Variants in VPS39 observed in about 807,000 individuals in gnomAD.
The protein encoded by VPS39 is vam6/Vps39-like protein.
In VPS39, 70 loss-of-function variants were observed where a neutral mutation model predicts 121.0. The ratio of observed to expected loss-of-function variants is 0.58; its 90% CI spans 0.48 to 0.71. The LOEUF (loss-of-function observed/expected upper bound fraction) is 0.71. Among genes scored for constraint, VPS39 ranks in the 30% least tolerant of loss-of-function variants. VPS39 has a pLI of 0.00. For synonymous variants in VPS39, 378 were observed against 398.1 expected (o/e 0.95, Z 0.60); for missense variants, 818 against 1,051.5 (o/e 0.78, Z 3.07).
chr15:42,187,360 C>T lies in VPS39; in HGVS notation c.445G>A (p.Asp149Asn). Residue 149 changes from aspartate to asparagine, a missense_variant, in exon 7 of 25, where the codon GAC (aspartate) becomes AAC (asparagine). Transcript: ENST00000318006. ...KDREFHELQGDFSVPDVPKSM... is the reference protein window; with the variant it reads ...KDREFHELQGNFSVPDVPKSM... ...TTGGGCACATCTGGCACACTAAAGT[C>T]CCCCTGAAAAAAGAGAGCAAGGATC... 6.2e-7 allele frequency: 1 copy of T among 1,600,874 alleles called. No homozygotes were observed. The highest frequency in any genetic ancestry group is 8.5e-7 in the Non-Finnish European group (1 of 1,176,742).
chr15:42,194,894 T>C (rs546916162), intron 2 of VPS39, among the ~76,000 whole-genome samples: 9 of 151,738 alleles, frequency 5.9e-5, no homozygotes, highest in African/African-American at 2.2e-4. Flanking sequence ...CCAGTTTTAA[T>C]TACCATTCCT....
chr15:42,207,792 AG>A (rs1279280998), intron 1 of VPS39, among the ~76,000 whole-genome samples: 1 of 152,218 alleles, frequency 6.6e-6, no homozygotes, highest in Admixed American at 6.5e-5. Flanking sequence ...AATGGGCCAA[AG>A]CTGAGCACAA....
chr15:42,174,102 CTGGGCGTGGTGG>C (rs2049400911), intron 10 of VPS39, among the ~76,000 whole-genome samples: 3 of 152,130 alleles, frequency 2.0e-5, no homozygotes, highest in African/African-American at 7.2e-5. Flanking sequence ...AAAAAATTAG[CTGGGCGTGGTGG>C]CACGTGCCTG....
At chr15:42,167,261 T>G in intron 13 of VPS39, 133 bp downstream of exon 13, 1 of 1,181,512 alleles carries the variant, frequency 8.5e-7, no homozygotes, top group Non-Finnish European at 1.2e-6. Context: ...TCAGGAGAAG[T>G]CTATATGGTT....
intron 2 of VPS39, among the ~76,000 whole-genome samples, chr15:42,197,899 C>A (rs2049977755): frequency 6.6e-6 from 1 of 152,212 alleles, no homozygotes; most frequent in African/African-American, 2.4e-5. Flanking sequence ...TGGCCCACAT[C>A]AGGCCAGATC....
intron 17 of VPS39, 62 bp downstream of exon 17, chr15:42,165,656 G>T (rs1181671249): frequency 5.2e-6 from 7 of 1,352,286 alleles, no homozygotes; most frequent in Non-Finnish European, 7.4e-6. Context: ...CCCGATAACA[G>T]AACCACGCAG....
At chr15:42,163,542 G>C in intron 20 of VPS39, 84 bp downstream of exon 20, 7 of 1,510,486 alleles carry the variant, frequency 4.6e-6, no homozygotes, top group Non-Finnish European at 6.4e-6. Flanking sequence ...AGTGGAGTAT[G>C]GGGAGATGGC....
intron 11 of VPS39, among the ~76,000 whole-genome samples, chr15:42,173,440 A>G (rs1288542451): frequency 1.3e-5 from 2 of 152,250 alleles, no homozygotes; most frequent in East Asian, 1.9e-4. Flanking sequence ...TCAAATACCC[A>G]TTTGTTGAAC....
chr15:42,170,113 T>G (rs988456150), intron 11 of VPS39, among the ~76,000 whole-genome samples: 1 of 152,084 alleles, frequency 6.6e-6, no homozygotes, highest in African/African-American at 2.4e-5. Context: ...ATAATTAGAA[T>G]TGAATATTTA....
At position 42,159,815 on chromosome 15, in the gene VPS39, C is replaced by T. The variant is rs16972776; in HGVS notation, c.*939G>A. The T allele has an allele frequency of 0.11, 16,245 of 152,428 alleles. 1,255 individuals carry two copies. The highest frequency in any genetic ancestry group is 0.19 in the Admixed American group (2,981 of 15,296). 9.4% of individuals were successfully genotyped at this position (152,428 alleles called of 1,614,324 possible). A position where few individuals can be genotyped will look rare whatever the true frequency, so the allele number is the denominator to read the frequency against. On this transcript the variant is annotated 3_prime_UTR_variant, in exon 25 of 25. Coordinates refer to ENST00000318006, the MANE Select transcript of VPS39 (RefSeq NM_015289.5). Reference sequence around the variant, plus strand: ...AAGGGCCCAGAGCACAAAATCGCCACGCACAAAGACTAAGCCAGCCTGCCT... The same window carrying T: ...AAGGGCCCAGAGCACAAAATCGCCATGCACAAAGACTAAGCCAGCCTGCCT...
chr15:42,185,362 T>C (rs1415967511), intron 7 of VPS39, among the ~76,000 whole-genome samples: 1 of 151,890 alleles, frequency 6.6e-6, no homozygotes, highest in African/African-American at 2.4e-5. Flanking sequence ...TTTTTGTATT[T>C]TTAGTAGAGA....
intron 2 of VPS39, 147 bp downstream of exon 2, chr15:42,199,749 G>T: frequency 1.3e-6 from 1 of 778,720 alleles, no homozygotes; most frequent in Non-Finnish European, 2.0e-6. Context: ...AAAAACCCTA[G>T]GCATTCTCAA....
chr15:42,166,718 T>C (rs189005576), intron 14 of VPS39, 54 bp downstream of exon 14: 380 of 1,613,744 alleles, frequency 2.4e-4, no homozygotes, highest in Middle Eastern at 2.1e-3. Context: ...TCTCAGTGGG[T>C]TTCCCCTGCC....
chr15:42,182,324 C>T (rs897933673), intron 8 of VPS39, among the ~76,000 whole-genome samples: 1 of 152,084 alleles, frequency 6.6e-6, no homozygotes, highest in Non-Finnish European at 1.5e-5. Context: ...ATTTCTTTCT[C>T]CTTTTAAAAT....
intron 2 of VPS39, among the ~76,000 whole-genome samples, chr15:42,196,862 G>C (rs1358228070): frequency 1.3e-5 from 2 of 152,046 alleles, no homozygotes; most frequent in African/African-American, 4.8e-5. Flanking sequence ...CTAGTATAAA[G>C]ACACATGCAC....
In VPS39 at chr15:42,162,028, C is replaced by G. The variant is rs1430265684; in HGVS notation, c.2460+4G>C. On this transcript the variant is annotated splice_donor_region_variant and intron_variant, in intron 23 of 24. Coordinates refer to ENST00000318006, the MANE Select transcript of VPS39 (RefSeq NM_015289.5). ...ACCCTAGAGTTTGGAAGGCCCATAC[C>G]TACCCTCAGGAATTCTGCATGGAGA... The G allele has an allele frequency of 3.0e-5, 49 of 1,614,100 alleles. No homozygotes were observed. Among genetic ancestry groups the G allele is most frequent in the Non-Finnish European group, 4.1e-5 (48 of 1,180,038 alleles).
chr15:42,197,583 G>T (rs1249814415), intron 2 of VPS39, among the ~76,000 whole-genome samples: 2 of 152,020 alleles, frequency 1.3e-5, no homozygotes, highest in Non-Finnish European at 2.9e-5. Context: ...GAAGCCTAGA[G>T]ATGTCTATTG....
chr15:42,168,597 G>A (rs975736862), intron 12 of VPS39, among the ~76,000 whole-genome samples: 4 of 149,708 alleles, frequency 2.7e-5, no homozygotes, highest in Non-Finnish European at 5.9e-5. Context: ...AGGCTGAAGT[G>A]TAGTGGCGCA....
At chr15:42,170,877 A>G (rs77277844) in intron 11 of VPS39, among the ~76,000 whole-genome samples, 2,065 of 150,342 alleles carry the variant, frequency 0.014, 53 homozygotes, top group African/African-American at 0.048. Flanking sequence ...GACTACAGGC[A>G]TGTACTATCC....
Sources: gnomAD v4.1 joint callset for allele counts (sites outside exome capture counted in the v4.1 genomes callset) on GRCh38, gnomAD v4.1.1 for gene constraint, MANE v1.5 for transcripts, NCBI Gene and HGNC (gene_info 2026-07-23, HGNC 2026-07-21) for gene names.